The following INPP5F variants were observed in gnomAD, a reference collection of about 807,000 sequenced individuals.
INPP5F encodes phosphatidylinositide 4-phosphatase SAC2.
In INPP5F, 97 loss-of-function variants were observed where a neutral mutation model predicts 137.2. The observed-to-expected ratio is 0.71, with a 90% CI of 0.60 to 0.84. INPP5F has a LOEUF of 0.84. Among genes scored for constraint, INPP5F ranks in the 40% least tolerant of loss-of-function variants. The probability of loss-of-function intolerance (pLI) is 0.00; values close to 1 mark genes in which losing one functional copy is unlikely to be tolerated. For missense variants in INPP5F, 1,271 were observed against 1,371.9 expected (o/e 0.93, Z 1.16); for synonymous variants, 504 against 476.9 (o/e 1.06, Z -0.74).
Position 119,791,923 on chromosome 10 carries a change from C to G in INPP5F, c.499C>G (p.Leu167Val), listed in dbSNP as rs566627007. The G allele has an allele frequency of 3.7e-6, 6 of 1,613,406 alleles. No individual in the cohort carries two copies. Among genetic ancestry groups the G allele is most frequent in the Non-Finnish European group, 5.1e-6 (6 of 1,179,610 alleles). Residue 167 changes from leucine to valine, a missense_variant, in exon 5 of 20, where the codon CTG becomes GTG. By Grantham distance (32) the Leu-to-Val change is conservative. Around this residue, in one of 6 missense-constraint regions of INPP5F, gnomAD observed 11 missense variants for 33.9 expected, o/e 0.32. Coordinates refer to ENST00000650623, the MANE Select transcript of INPP5F (RefSeq NM_014937.4). ...GGAGAGGAGATTACTTGAAGAGTTG[C>G]TGAAGATGTTCATGGACTCAGAATC... is the stretch of plus-strand genomic sequence containing the variant. ...KLERRLLEEL[L>V]KMFMDSESFY...
At position 119,810,119 on chromosome 10, in the gene INPP5F, G is replaced by A; in HGVS notation, c.1589G>A (p.Gly530Glu). 1 of 1,611,404 alleles carries A rather than the reference G, an allele frequency of 6.2e-7. No homozygotes were observed. The highest frequency in any genetic ancestry group is 8.5e-7 in the Non-Finnish European group (1 of 1,177,776). ...TGACAGGGTGACTTTACAAGGACAGGAGAAAGGAAGTTAGCAGGAGTTATG... is the reference window on the plus strand; with the variant it reads ...TGACAGGGTGACTTTACAAGGACAGAAGAAAGGAAGTTAGCAGGAGTTATG... ...AALKGDFTRT[G>E]ERKLAGVMKD... The change falls in exon 14 of 20, where the codon GGA becomes GAA. Residue 530 changes from glycine to glutamate, a missense_variant. This residue lies in a region of INPP5F where 593 missense variants were observed against 712.4 expected (regional missense o/e 0.83). Transcript: ENST00000650623.
chr10:119,729,735 A>G (rs986629691), intron 1 of INPP5F, among the ~76,000 whole-genome samples: 7 of 146,100 alleles, frequency 4.8e-5, no homozygotes, highest in Non-Finnish European at 1.5e-5. Flanking sequence ...GTGCTACCAC[A>G]CCTGGCTAAT....
intron 3 of INPP5F, among the ~76,000 whole-genome samples, chr10:119,782,147 T>G (rs1849729091): frequency 6.6e-6 from 1 of 152,204 alleles, no homozygotes; most frequent in African/African-American, 2.4e-5. Context: ...TATTATATCC[T>G]CTTTTGTCTG....
intron 6 of INPP5F, 65 bp downstream of exon 6, chr10:119,792,278 T>A: frequency 1.8e-6 from 2 of 1,117,312 alleles, no homozygotes; most frequent in South Asian, 2.7e-5. Flanking sequence ...CTAAAACGTC[T>A]GGTTATAATT....
At chr10:119,806,521 A>C (rs545876965) in intron 12 of INPP5F, 41 bp downstream of exon 12, 6 of 1,533,742 alleles carry the variant, frequency 3.9e-6, no homozygotes, top group South Asian at 3.8e-5. Context: ...TCATTTCGAA[A>C]TGCTTTTTTT....
chr10:119,814,239 T>C (rs535222576), intron 15 of INPP5F, among the ~76,000 whole-genome samples: 1 of 151,838 alleles, frequency 6.6e-6, no homozygotes, highest in African/African-American at 2.4e-5. Context: ...AAAATAAAAT[T>C]AGCTGGGCAT....
chr10:119,757,349 T>C (rs1848878643), intron 2 of INPP5F, among the ~76,000 whole-genome samples: 1 of 151,680 alleles, frequency 6.6e-6, no homozygotes, highest in Non-Finnish European at 1.5e-5. Flanking sequence ...ATTACAGGCA[T>C]GAGCCACCAT....
intron 1 of INPP5F, among the ~76,000 whole-genome samples, chr10:119,742,036 G>T (rs1848390658): frequency 6.6e-6 from 1 of 152,084 alleles, no homozygotes; most frequent in Admixed American, 6.6e-5. Flanking sequence ...GGCCAGACTG[G>T]TCTCGAACTC....
In INPP5F at chr10:119,787,430, C is replaced by G. The variant is rs1564829734; in HGVS notation, c.316-4087C>G. On this transcript the variant is annotated intron_variant, in intron 3 of 19. Coordinates refer to ENST00000650623, the MANE Select transcript of INPP5F (RefSeq NM_014937.4). The surrounding 1 kb of genome is among the most constrained non-coding windows in gnomAD (Gnocchi z 4.1). ...TGAAACCCTGTCTCTACTAAAAATA[C>G]AAAACTTAGCCAGGCATGATGGCAT... 6.6e-6 allele frequency among the ~76,000 whole-genome samples: 1 copy of G among 152,096 alleles called. No individual in the cohort carries two copies. Among genetic ancestry groups the G allele is most frequent in the Non-Finnish European group, 1.5e-5 (1 of 68,004 alleles).
chr10:119,750,532 C>A (rs2134123630), intron 1 of INPP5F, among the ~76,000 whole-genome samples: 1 of 152,332 alleles, frequency 6.6e-6, no homozygotes, highest in East Asian at 1.9e-4. Flanking sequence ...AGATGAGGAA[C>A]CCTGATTGAG....
intron 8 of INPP5F, among the ~76,000 whole-genome samples, chr10:119,798,333 T>C (rs1343210537): frequency 6.6e-6 from 1 of 152,170 alleles, no homozygotes; most frequent in Non-Finnish European, 1.5e-5. Context: ...AATGTCATAG[T>C]TTGCACTTTC....
intron 2 of INPP5F, among the ~76,000 whole-genome samples, chr10:119,771,996 C>T (rs112687421): frequency 6.9e-6 from 1 of 145,310 alleles, no homozygotes; most frequent in Non-Finnish European, 1.5e-5. Flanking sequence ...CCCGGGTTCA[C>T]ACGCCATTCT....
At chr10:119,792,567 G>GTTTT (rs397847812) in intron 6 of INPP5F, among the ~76,000 whole-genome samples, 7 of 124,602 alleles carry the variant, frequency 5.6e-5, no homozygotes, top group African/African-American at 2.1e-4. Flanking sequence ...AATGGTACCA[G>GTTTT]TTTTTTTTTT....
chr10:119,765,197 G>A (rs1464798288), intron 2 of INPP5F, among the ~76,000 whole-genome samples: 1 of 152,152 alleles, frequency 6.6e-6, no homozygotes, highest in Admixed American at 6.6e-5. Context: ...GCCTCCCAAA[G>A]TGCTGGGATT....
Position 119,798,601 on chromosome 10 carries a change from C to T in INPP5F, c.1107C>T (p.Tyr369=), listed in dbSNP as rs1181748422. The T allele has an allele frequency of 6.2e-7, 1 of 1,609,316 alleles. No individual in the cohort carries two copies. Among genetic ancestry groups the T allele is most frequent in the African/African-American group, 1.3e-5 (1 of 74,738 alleles). ...ATTTCGAAGAACAACTGAACATTTACAAAAAACAGGTGGGCTTTGATTTAC... is the reference window on the plus strand; with the variant it reads ...ATTTCGAAGAACAACTGAACATTTATAAAAAACAGGTGGGCTTTGATTTAC... ...CAHFEEQLNI[Y]KKQVIINLVD... Residue 369 remains tyrosine, a synonymous_variant, in exon 9 of 20, where the codon TAC becomes TAT. Coordinates refer to ENST00000650623, the MANE Select transcript of INPP5F (RefSeq NM_014937.4).
chr10:119,776,655 C>T (rs1849531017), intron 2 of INPP5F, among the ~76,000 whole-genome samples: 1 of 151,262 alleles, frequency 6.6e-6, no homozygotes, highest in African/African-American at 2.4e-5. Flanking sequence ...CTAGGAAGGG[C>T]CTTCCTCTGT....
In INPP5F at chr10:119,823,187, G is replaced by T; in HGVS notation, c.2149G>T (p.Glu717Ter). ...GCGAGCTGTAATGCGTAATCCTGAAGAGGATGGAAAAGGTAAAAAGAGGAA... is the reference window on the plus strand; with the variant it reads ...GCGAGCTGTAATGCGTAATCCTGAATAGGATGGAAAAGGTAAAAAGAGGAA... The part of the protein sequence containing the change: ...TLRAVMRNPE[E>*]DGKDTLQCIA... Residue 717 changes from glutamate to a stop codon, truncating the protein, a stop_gained, in exon 18 of 20, where the codon GAG becomes TAG. Transcript: ENST00000650623. LOFTEE classifies it high-confidence loss of function. The T allele has an allele frequency of 1.2e-6, 2 of 1,613,570 alleles. No homozygotes were observed. The highest frequency in any genetic ancestry group is 1.7e-6 in the Non-Finnish European group (2 of 1,179,828).
chr10:119,765,317 A>G (rs1246700123), intron 2 of INPP5F, among the ~76,000 whole-genome samples: 1 of 152,132 alleles, frequency 6.6e-6, no homozygotes, highest in Non-Finnish European at 1.5e-5. Flanking sequence ...TTAAGCTTCT[A>G]ATCAGTAGTA....
intron 6 of INPP5F, among the ~76,000 whole-genome samples, chr10:119,792,566 A>G (rs1158424708): frequency 7.4e-6 from 1 of 134,734 alleles, no homozygotes; most frequent in African/African-American, 2.8e-5. Flanking sequence ...AAATGGTACC[A>G]GTTTTTTTTT....
Sources: gnomAD v4.1 joint callset for allele counts (sites outside exome capture counted in the v4.1 genomes callset) on GRCh38, gnomAD v4.1.1 for gene constraint, gnomAD v4.1.1 regional missense constraint, Gnocchi (gnomAD v3.1) non-coding constraint, MANE v1.5 for transcripts, NCBI Gene and HGNC (gene_info 2026-07-23, HGNC 2026-07-21) for gene names.